JAKMIP2: variants seen among roughly 807,000 people sequenced by gnomAD.
The protein encoded by JAKMIP2 is janus kinase and microtubule-interacting protein 2.
A neutral mutation model predicts 115.0 loss-of-function variants in JAKMIP2; 25 were observed. The ratio of observed to expected loss-of-function variants is 0.22; its 90% CI spans 0.16 to 0.30. The LOEUF (loss-of-function observed/expected upper bound fraction) is 0.30, where lower values mean the gene tolerates loss of function less well. Ranked by LOEUF, JAKMIP2 falls within the 10% of genes least tolerant of loss-of-function variation. JAKMIP2 has a pLI of 1.00. For missense variants in JAKMIP2, 642 were observed against 957.6 expected (o/e 0.67, Z 4.35); for synonymous variants, 334 against 343.6 (o/e 0.97, Z 0.31).
intron 3 of JAKMIP2, chr5:147,660,408 T>C (rs1758896139): frequency 4.5e-6 from 2 of 440,072 alleles, no homozygotes; most frequent in Non-Finnish European, 9.1e-6. Flanking sequence ...AAAATATCTA[T>C]GTTTAAAATG....
chr5:147,597,237 T>G (rs1043210507), intron 21 of JAKMIP2, among the ~76,000 whole-genome samples: 3 of 152,110 alleles, frequency 2.0e-5, no homozygotes, highest in Admixed American at 6.5e-5. Context: ...ATGTGGCCAT[T>G]TGTTTTCCCC....
intron 1 of JAKMIP2, among the ~76,000 whole-genome samples, chr5:147,730,424 T>A (rs753378086): frequency 6.6e-6 from 1 of 151,846 alleles, no homozygotes; most frequent in Non-Finnish European, 1.5e-5. Flanking sequence ...CTGCCTCCCA[T>A]GTGATATCGG....
chr5:147,592,089 G>A (rs915517281), intron 21 of JAKMIP2, among the ~76,000 whole-genome samples: 1 of 152,136 alleles, frequency 6.6e-6, no homozygotes, highest in Non-Finnish European at 1.5e-5. Context: ...TAAATGTGCA[G>A]GTTGGTTACA....
At chr5:147,630,383 A>C (rs750102800) in intron 14 of JAKMIP2, among the ~76,000 whole-genome samples, 9 of 152,216 alleles carry the variant, frequency 5.9e-5, no homozygotes, top group Non-Finnish European at 1.0e-4. Flanking sequence ...AAATGCATCG[A>C]AGGAAAAGGC....
chr5:147,676,337 A>AAAAAT (rs981572652), intron 1 of JAKMIP2, among the ~76,000 whole-genome samples: 5 of 152,210 alleles, frequency 3.3e-5, no homozygotes, highest in African/African-American at 1.2e-4. Context: ...CTCCGTCTCA[A>AAAAAT]AAAATAAAAT....
chr5:147,672,690 T>A (rs1183958968), intron 1 of JAKMIP2, among the ~76,000 whole-genome samples: 1 of 152,178 alleles, frequency 6.6e-6, no homozygotes, highest in East Asian at 1.9e-4. Context: ...TCTTTCCACC[T>A]GGGTTGAATA....
At chr5:147,651,632 A>G (rs4147463) in intron 3 of JAKMIP2, among the ~76,000 whole-genome samples, 38,402 of 151,956 alleles carry the variant, frequency 0.25, 6,138 homozygotes, top group East Asian at 0.46. Flanking sequence ...CCAGAAAAAA[A>G]AAACCTGCAA....
At chr5:147,642,658 C>T (rs749683381) in intron 7 of JAKMIP2, among the ~76,000 whole-genome samples, 7 of 149,456 alleles carry the variant, frequency 4.7e-5, no homozygotes, top group African/African-American at 7.4e-5. Flanking sequence ...CAGTGGTGTT[C>T]GGGCTTTTTT....
intron 1 of JAKMIP2, among the ~76,000 whole-genome samples, chr5:147,763,830 A>G (rs1279244831): frequency 6.6e-6 from 1 of 152,152 alleles, no homozygotes; most frequent in Non-Finnish European, 1.5e-5. Flanking sequence ...AAAGCAAATA[A>G]TCAAGAGTTG....
At position 147,704,594 on chromosome 5, in the gene JAKMIP2, G is replaced by A. The variant is rs1752495617; in HGVS notation, c.-148-32640C>T. ...GTAAGAGGAAAGACAACCAGGGAGTGAGGAATGATTCACTCTCCCAGAAGA... is the reference window on the plus strand; with the variant it reads ...GTAAGAGGAAAGACAACCAGGGAGTAAGGAATGATTCACTCTCCCAGAAGA... On this transcript the variant is annotated intron_variant, in intron 1 of 21. Coordinates refer to ENST00000616793, the MANE Select transcript of JAKMIP2 (RefSeq NM_001270941.2). 3.3e-5 allele frequency among the ~76,000 whole-genome samples: 5 copies of A among 152,102 alleles called. No individual in the cohort carries two copies. In the South Asian group the frequency reaches 1.0e-3, roughly 32 times the overall value.
chr5:147,650,313 T>C, intron 4 of JAKMIP2, 25 bp downstream of exon 4: 1 of 1,469,952 alleles, frequency 6.8e-7, no homozygotes. Context: ...TTGTGCATTC[T>C]TAACTTCAAC....
At chr5:147,737,656 T>A (rs1753976712) in intron 1 of JAKMIP2, among the ~76,000 whole-genome samples, 3 of 152,216 alleles carry the variant, frequency 2.0e-5, no homozygotes, top group Admixed American at 1.3e-4. Flanking sequence ...GTGTCTGAGT[T>A]ACAAGTGTCT....
At chr5:147,620,185 C>A (rs1756781949) in intron 18 of JAKMIP2, among the ~76,000 whole-genome samples, 1 of 152,228 alleles carries the variant, frequency 6.6e-6, no homozygotes, top group Admixed American at 6.5e-5. Context: ...GCCTTGACCT[C>A]CCAGGCTCAA....
chr5:147,666,013 GTCTA>G (rs987961596), intron 2 of JAKMIP2, among the ~76,000 whole-genome samples: 3 of 151,642 alleles, frequency 2.0e-5, no homozygotes, highest in Admixed American at 2.0e-4. Flanking sequence ...AACAAACACT[GTCTA>G]TCCCTTAAAA....
At chr5:147,706,663 T>C (rs1752572478) in intron 1 of JAKMIP2, among the ~76,000 whole-genome samples, 1 of 152,198 alleles carries the variant, frequency 6.6e-6, no homozygotes, top group South Asian at 2.1e-4. Flanking sequence ...ATATTACTGA[T>C]GGAGTATTTC....
At chr5:147,735,688 G>A (rs1261976780) in intron 1 of JAKMIP2, among the ~76,000 whole-genome samples, 1 of 152,132 alleles carries the variant, frequency 6.6e-6, no homozygotes, top group Non-Finnish European at 1.5e-5. Flanking sequence ...TCTTTCAAAA[G>A]TTTCCACTAA....
At chr5:147,743,359 G>A (rs114063799) in intron 1 of JAKMIP2, among the ~76,000 whole-genome samples, 473 of 152,308 alleles carry the variant, frequency 3.1e-3, no homozygotes, top group Middle Eastern at 6.8e-3. Flanking sequence ...TACTTGAATA[G>A]TAGTATTTGA....
chr5:147,703,068 TC>T (rs1752437363), intron 1 of JAKMIP2, among the ~76,000 whole-genome samples: 1 of 152,142 alleles, frequency 6.6e-6, no homozygotes. Flanking sequence ...AGTGCTAAAA[TC>T]CAGGTCTCCT....
intron 19 of JAKMIP2, among the ~76,000 whole-genome samples, chr5:147,614,147 TG>T (rs1368924449): frequency 2.0e-5 from 3 of 152,220 alleles, no homozygotes; most frequent in Admixed American, 2.0e-4. Flanking sequence ...CTATGCTTGT[TG>T]GGCACCTCCT....
Sources: allele counts gnomAD v4.1 joint callset (sites outside exome capture counted in the v4.1 genomes callset), GRCh38; gene constraint gnomAD v4.1.1; transcripts MANE v1.5; gene names NCBI Gene and HGNC (gene_info 2026-07-23, HGNC 2026-07-21).